Variants in MYRIP observed in about 807,000 individuals in gnomAD.
MYRIP encodes myosin VIIA and Rab interacting protein, also known as rab effector MyRIP.
MYRIP carries 49 observed loss-of-function variants against 98.0 expected under a neutral mutation model. The observed-to-expected ratio is 0.50, with a 90% CI of 0.40 to 0.63. The LOEUF (loss-of-function observed/expected upper bound fraction) is 0.63. MYRIP is among the 30% of genes least tolerant of loss of function. The pLI, the probability that MYRIP is intolerant of heterozygous loss-of-function variation, is 0.00. For synonymous variants in MYRIP, 404 were observed against 409.5 expected (o/e 0.99, Z 0.16); for missense variants, 1,004 against 1,058.2 (o/e 0.95, Z 0.71).
chr3:39,986,225 C>T lies in MYRIP; in HGVS notation c.111-57825C>T, dbSNP rs75692110. Among the ~76,000 whole-genome samples, 53 of 152,256 alleles carry T rather than the reference C, an allele frequency of 3.5e-4. No individual in the cohort carries two copies. In the East Asian group the frequency reaches 8.5e-3, roughly 24 times the overall value. On this transcript the variant is annotated intron_variant, in intron 2 of 16. Coordinates refer to ENST00000302541, the MANE Select transcript of MYRIP (RefSeq NM_015460.4). Reference sequence around the variant, plus strand: ...CAAGCATTAAGGGTGACCTGAAACTCGTCATTAGAGTCAGAGCACATGTCC... The same window carrying T: ...CAAGCATTAAGGGTGACCTGAAACTTGTCATTAGAGTCAGAGCACATGTCC...
At chr3:40,017,178 T>C (rs2125802289) in intron 2 of MYRIP, among the ~76,000 whole-genome samples, 1 of 152,348 alleles carries the variant, frequency 6.6e-6, no homozygotes, top group East Asian at 1.9e-4. Flanking sequence ...GCAAGTCTCC[T>C]GCACTCCCAC....
chr3:39,844,533 G>C (rs1295612855), intron 1 of MYRIP, among the ~76,000 whole-genome samples: 3 of 152,186 alleles, frequency 2.0e-5, no homozygotes, highest in African/African-American at 7.2e-5. Flanking sequence ...TGAATGCCTG[G>C]CCATGCAACT....
chr3:39,812,218 G>C (rs1232579478), intron 1 of MYRIP, among the ~76,000 whole-genome samples: 4 of 151,960 alleles, frequency 2.6e-5, no homozygotes, highest in African/African-American at 9.7e-5. Flanking sequence ...ATCCTCCAAG[G>C]GTAGCCATCA....
chr3:40,079,843 A>G (rs1486842070), intron 3 of MYRIP, among the ~76,000 whole-genome samples: 1 of 152,258 alleles, frequency 6.6e-6, no homozygotes, highest in Non-Finnish European at 1.5e-5. Flanking sequence ...AACTTTGACT[A>G]TCTGTGAAGC....
At chr3:39,943,803 T>G (rs1044110748) in intron 2 of MYRIP, among the ~76,000 whole-genome samples, 1 of 152,186 alleles carries the variant, frequency 6.6e-6, no homozygotes, top group Non-Finnish European at 1.5e-5. Context: ...GCTATTATGT[T>G]GCAGTTTGTA....
intron 3 of MYRIP, among the ~76,000 whole-genome samples, chr3:40,145,279 T>A (rs1949984710): frequency 6.6e-6 from 1 of 152,204 alleles, no homozygotes; most frequent in South Asian, 2.1e-4. Context: ...GCACAGTACC[T>A]CAGACAGAGT....
At chr3:39,848,460 T>G (rs1218707982) in intron 1 of MYRIP, among the ~76,000 whole-genome samples, 1 of 140,962 alleles carries the variant, frequency 7.1e-6, no homozygotes, top group Non-Finnish European at 1.6e-5. Flanking sequence ...TCCTTTTGCT[T>G]ATTTTGACTC....
At chr3:40,171,022 A>G (rs944496316) in intron 8 of MYRIP, among the ~76,000 whole-genome samples, 2 of 152,174 alleles carry the variant, frequency 1.3e-5, no homozygotes, top group African/African-American at 4.8e-5. Flanking sequence ...CAGATGCACA[A>G]CGGTTACAAG....
chr3:40,005,504 A>C (rs771573159), intron 2 of MYRIP, among the ~76,000 whole-genome samples: 1 of 152,270 alleles, frequency 6.6e-6, no homozygotes, highest in Non-Finnish European at 1.5e-5. Flanking sequence ...GCACAAAATT[A>C]ATAAGCCAAA....
At chr3:40,116,294 A>C (rs1949276770) in intron 3 of MYRIP, among the ~76,000 whole-genome samples, 2 of 152,044 alleles carry the variant, frequency 1.3e-5, no homozygotes, top group Non-Finnish European at 2.9e-5. Flanking sequence ...AGACCTTAGG[A>C]AAGTAAGACG....
At chr3:40,255,659 T>TTAAG (rs564661701) in intron 16 of MYRIP, among the ~76,000 whole-genome samples, 7 of 152,258 alleles carry the variant, frequency 4.6e-5, no homozygotes, top group African/African-American at 1.7e-4. Flanking sequence ...AATAAAGTAG[T>TTAAG]TAAGTCATGA....
intron 2 of MYRIP, among the ~76,000 whole-genome samples, chr3:39,947,021 TTATAAG>T (rs1398837897): frequency 6.6e-6 from 1 of 152,174 alleles, no homozygotes; most frequent in Non-Finnish European, 1.5e-5. Flanking sequence ...AAGGAATAAC[TTATAAG>T]TATATAAAAG....
intron 3 of MYRIP, among the ~76,000 whole-genome samples, chr3:40,104,059 TA>T (rs762673837): frequency 1.6e-4 from 25 of 152,226 alleles, no homozygotes; most frequent in Non-Finnish European, 3.4e-4. Context: ...CACATAAGTC[TA>T]AATACCTGTA....
chr3:39,811,906 C>G (rs1940708703), intron 1 of MYRIP, among the ~76,000 whole-genome samples: 1 of 152,112 alleles, frequency 6.6e-6, no homozygotes, highest in Non-Finnish European at 1.5e-5. Context: ...CTCCTTCCTC[C>G]CTGCCCAGAG....
intron 2 of MYRIP, among the ~76,000 whole-genome samples, chr3:39,950,919 T>C (rs1391370422): frequency 1.3e-5 from 2 of 152,210 alleles, no homozygotes; most frequent in African/African-American, 4.8e-5. Context: ...TTATTTTCTG[T>C]TATACCTTTT....
chr3:39,917,927 CT>C (rs36057099), intron 2 of MYRIP, among the ~76,000 whole-genome samples: 129 of 145,962 alleles, frequency 8.8e-4, no homozygotes, highest in Admixed American at 7.5e-4. Flanking sequence ...GACTTCCATT[CT>C]TTTTTTTTTT....
intron 1 of MYRIP, among the ~76,000 whole-genome samples, chr3:39,881,629 C>A (rs1467335836): frequency 6.6e-6 from 1 of 152,124 alleles, no homozygotes; most frequent in Admixed American, 6.6e-5. Context: ...TCAGCTATGC[C>A]TAGTGTCTTT....
intron 2 of MYRIP, among the ~76,000 whole-genome samples, chr3:39,961,486 G>C (rs752484504): frequency 6.6e-6 from 1 of 152,070 alleles, no homozygotes; most frequent in Non-Finnish European, 1.5e-5. Flanking sequence ...CAGTTCCCAC[G>C]ATTTGCGAGT....
chr3:39,873,157 T>G (rs1942858445), intron 1 of MYRIP, among the ~76,000 whole-genome samples: 1 of 152,236 alleles, frequency 6.6e-6, no homozygotes, highest in Non-Finnish European at 1.5e-5. Flanking sequence ...TGTCTGTTCA[T>G]GTCTTTTGCC....
Sources: allele counts gnomAD v4.1 joint callset (sites outside exome capture counted in the v4.1 genomes callset), GRCh38; gene constraint gnomAD v4.1.1; transcripts MANE v1.5; gene names NCBI Gene and HGNC (gene_info 2026-07-23, HGNC 2026-07-21).